The following GNAQ variants were observed in gnomAD, a reference collection of about 807,000 sequenced individuals.
GNAQ encodes the protein guanine nucleotide-binding protein G(q) subunit alpha.
Under a neutral mutation model 43.9 loss-of-function variants are expected in GNAQ, and 8 were observed. The ratio of observed to expected loss-of-function variants is 0.18; its 90% CI spans 0.11 to 0.33. GNAQ has a LOEUF of 0.33. GNAQ is among the 10% of genes least tolerant of loss of function. GNAQ has a pLI of 1.00. For missense variants in GNAQ, 158 were observed against 450.8 expected (o/e 0.35, Z 5.88); for synonymous variants, 155 against 170.7 (o/e 0.91, Z 0.71).
intron 2 of GNAQ, among the ~76,000 whole-genome samples, chr9:77,848,392 C>G (rs1203837108): frequency 6.6e-6 from 1 of 152,248 alleles, no homozygotes; most frequent in Non-Finnish European, 1.5e-5. Context: ...TCAAACCACT[C>G]TCACAGATCT....
intron 1 of GNAQ, among the ~76,000 whole-genome samples, chr9:78,026,659 C>G (rs903626980): frequency 2.0e-5 from 3 of 152,120 alleles, no homozygotes; most frequent in African/African-American, 7.2e-5. Context: ...TTCAGGCAAT[C>G]AACATACCCA....
chr9:77,865,735 T>TA (rs1281004849), intron 2 of GNAQ, among the ~76,000 whole-genome samples: 3 of 152,136 alleles, frequency 2.0e-5, no homozygotes, highest in South Asian at 2.1e-4. Flanking sequence ...CTTTCACCCG[T>TA]AAAAAAGGAA....
At chr9:77,830,847 AC>A in intron 2 of GNAQ, among the ~76,000 whole-genome samples, 1 of 152,280 alleles carries the variant, frequency 6.6e-6, no homozygotes, top group Non-Finnish European at 1.5e-5. Flanking sequence ...CCACACACAC[AC>A]ACACACACAC....
chr9:77,782,207 C>A (rs1312431296), intron 5 of GNAQ, among the ~76,000 whole-genome samples: 2 of 151,674 alleles, frequency 1.3e-5, no homozygotes, highest in Non-Finnish European at 2.9e-5. Flanking sequence ...AAAAAAAAAT[C>A]TCCTGGAAAT....
intron 1 of GNAQ, among the ~76,000 whole-genome samples, chr9:77,977,182 G>A (rs1269542695): frequency 6.6e-6 from 1 of 152,058 alleles, no homozygotes; most frequent in Non-Finnish European, 1.5e-5. Context: ...GCCTCCTAAG[G>A]CAGAGCGCTT....
chr9:77,804,142 C>T (rs935167970), intron 3 of GNAQ, among the ~76,000 whole-genome samples: 1 of 152,094 alleles, frequency 6.6e-6, no homozygotes, highest in Non-Finnish European at 1.5e-5. Flanking sequence ...TTAATTTATG[C>T]TCCCATTTGA....
chr9:77,975,685 G>A (rs1246013757), intron 1 of GNAQ, among the ~76,000 whole-genome samples: 2 of 151,728 alleles, frequency 1.3e-5, no homozygotes, highest in African/African-American at 2.4e-5. Flanking sequence ...GATTACACGC[G>A]CACACCACCA....
intron 2 of GNAQ, among the ~76,000 whole-genome samples, chr9:77,920,572 C>T (rs1275800221): frequency 6.6e-6 from 1 of 152,096 alleles, no homozygotes; most frequent in Non-Finnish European, 1.5e-5. Flanking sequence ...TTTCAGAAAC[C>T]ACTGAGATTT....
intron 1 of GNAQ, among the ~76,000 whole-genome samples, chr9:77,979,632 G>A (rs184025385): frequency 7.1e-4 from 108 of 152,188 alleles, no homozygotes; most frequent in African/African-American, 2.5e-3. Flanking sequence ...TGCCCAAGGG[G>A]GGGGAGACTG....
chr9:77,753,348 T>C (rs1466390602), intron 5 of GNAQ, among the ~76,000 whole-genome samples: 1 of 151,806 alleles, frequency 6.6e-6, no homozygotes, highest in African/African-American at 2.4e-5. Context: ...AGATATGAAA[T>C]AGCTGCAGAA....
At chr9:77,887,109 G>C (rs1412176030) in intron 2 of GNAQ, among the ~76,000 whole-genome samples, 1 of 152,062 alleles carries the variant, frequency 6.6e-6, no homozygotes. Flanking sequence ...ATGACACAGA[G>C]AGACTCTGTC....
chr9:77,807,495 G>A (rs1263389696), intron 3 of GNAQ, among the ~76,000 whole-genome samples: 1 of 152,120 alleles, frequency 6.6e-6, no homozygotes, highest in Non-Finnish European at 1.5e-5. Flanking sequence ...GAACATTTCT[G>A]GTCATTCATG....
chr9:77,729,794 G>A (rs865977214), intron 5 of GNAQ, among the ~76,000 whole-genome samples: 10 of 152,166 alleles, frequency 6.6e-5, no homozygotes, highest in Admixed American at 6.5e-5. Flanking sequence ...CTGCTGCTAC[G>A]GGGTGGTTTG....
intron 1 of GNAQ, among the ~76,000 whole-genome samples, chr9:78,028,944 T>C (rs1000404871): frequency 1.3e-5 from 2 of 152,200 alleles, no homozygotes; most frequent in Non-Finnish European, 2.9e-5. Flanking sequence ...CATGAAGCAG[T>C]AGCAATTCTT....
chr9:77,881,570 G>C (rs1259260477), intron 2 of GNAQ, among the ~76,000 whole-genome samples: 1 of 152,082 alleles, frequency 6.6e-6, no homozygotes, highest in Non-Finnish European at 1.5e-5. Context: ...GTAGAGACAG[G>C]GGCTTGCTAT....
intron 3 of GNAQ, among the ~76,000 whole-genome samples, chr9:77,800,860 C>T (rs1429168677): frequency 1.3e-5 from 2 of 152,180 alleles, no homozygotes; most frequent in African/African-American, 4.8e-5. Context: ...TCGAAATCCA[C>T]AAGTTCACCA....
chr9:77,733,132 G>A (rs1825521341), intron 5 of GNAQ, among the ~76,000 whole-genome samples: 1 of 152,186 alleles, frequency 6.6e-6, no homozygotes, highest in South Asian at 2.1e-4. Context: ...CCTTGGCCCT[G>A]AGGGAGAAAG....
intron 2 of GNAQ, among the ~76,000 whole-genome samples, chr9:77,890,156 C>A (rs1828378136): frequency 6.6e-6 from 1 of 152,016 alleles, no homozygotes; most frequent in South Asian, 2.1e-4. Flanking sequence ...TATCTTAATT[C>A]TGTTCCCAAT....
intron 5 of GNAQ, among the ~76,000 whole-genome samples, chr9:77,762,363 CG>C (rs1826053303): frequency 7.0e-6 from 1 of 142,398 alleles, no homozygotes; most frequent in African/African-American, 2.7e-5. Flanking sequence ...TCTGCCCGGC[CG>C]CCCCTACTGG....
Sources: allele counts gnomAD v4.1 joint callset (sites outside exome capture counted in the v4.1 genomes callset), GRCh38; gene constraint gnomAD v4.1.1; transcripts MANE v1.5; gene names NCBI Gene and HGNC (gene_info 2026-07-23, HGNC 2026-07-21).